Variants in COL27A1 observed in about 807,000 individuals in gnomAD.
COL27A1 encodes the protein collagen alpha-1(XXVII) chain.
In COL27A1, 106 loss-of-function variants were observed where a neutral mutation model predicts 251.3. That is an observed-to-expected ratio of 0.42 (90% CI 0.36 to 0.50). The LOEUF (loss-of-function observed/expected upper bound fraction) is 0.50. COL27A1 is among the 20% of genes least tolerant of loss of function. The probability of loss-of-function intolerance (pLI) is 0.00; values close to 1 mark genes in which losing one functional copy is unlikely to be tolerated. For missense variants in COL27A1, 2,325 were observed against 2,522.8 expected (o/e 0.92, Z 1.68); for synonymous variants, 1,000 against 986.3 (o/e 1.01, Z -0.26).
chr9:114,180,932 C>G (rs984000072), intron 4 of COL27A1, among the ~76,000 whole-genome samples: 1 of 152,194 alleles, frequency 6.6e-6, no homozygotes, highest in Non-Finnish European at 1.5e-5. Flanking sequence ...TGGGGCACGA[C>G]TGGGGAGAGG....
intron 3 of COL27A1, among the ~76,000 whole-genome samples, chr9:114,170,057 G>C (rs781641066): frequency 1.7e-4 from 26 of 152,244 alleles, no homozygotes; most frequent in Non-Finnish European, 1.5e-4. Context: ...GAAAGTGGGA[G>C]ATGCGATGGT....
intron 1 of COL27A1, among the ~76,000 whole-genome samples, chr9:114,161,989 A>C (rs1416157726): frequency 6.6e-6 from 1 of 152,332 alleles, no homozygotes; most frequent in African/African-American, 2.4e-5. Flanking sequence ...CCCATGTTGC[A>C]GAAGATAAGA....
chr9:114,243,707 GA>G, intron 23 of COL27A1, 147 bp downstream of exon 23: 1 of 629,744 alleles, frequency 1.6e-6, no homozygotes, highest in Non-Finnish European at 2.8e-6. Flanking sequence ...TGGTAAGGGA[GA>G]AAAAAATGGA....
intron 49 of COL27A1, among the ~76,000 whole-genome samples, chr9:114,299,801 G>C (rs1015216178): frequency 1.3e-5 from 2 of 152,226 alleles, no homozygotes; most frequent in African/African-American, 4.8e-5. Flanking sequence ...TGGGACAGGA[G>C]CTCCTGAGTG....
At chr9:114,202,498 T>C (rs1274620528) in intron 7 of COL27A1, among the ~76,000 whole-genome samples, 1 of 152,214 alleles carries the variant, frequency 6.6e-6, no homozygotes, top group Non-Finnish European at 1.5e-5. Context: ...CTTCCTAATC[T>C]GCAAGCTCCA....
chr9:114,265,709 G>C (rs1316833267), intron 32 of COL27A1, among the ~76,000 whole-genome samples: 3 of 152,228 alleles, frequency 2.0e-5, no homozygotes, highest in African/African-American at 2.4e-5. Flanking sequence ...GATTGTCTCT[G>C]CCTTGCCATT....
chr9:114,209,578 C>G, intron 10 of COL27A1, 97 bp from the exon 11 acceptor site: 1 of 1,111,878 alleles, frequency 9.0e-7, no homozygotes, highest in Non-Finnish European at 1.4e-6. Flanking sequence ...GAGGAGGAGC[C>G]GGGATGTGGG....
At chr9:114,269,082 G>A in intron 34 of COL27A1, 159 bp from the exon 35 acceptor site, 2 of 564,224 alleles carry the variant, frequency 3.5e-6, no homozygotes, top group Non-Finnish European at 6.4e-6. Flanking sequence ...AGGAGCTCTG[G>A]TTGGTGTTTT....
intron 14 of COL27A1, among the ~76,000 whole-genome samples, chr9:114,225,399 G>C (rs895509021): frequency 2.0e-5 from 3 of 152,170 alleles, no homozygotes; most frequent in Non-Finnish European, 4.4e-5. Flanking sequence ...GCCACTTTCA[G>C]CCTCCTTCCT....
At chr9:114,201,470 A>G (rs962154987) in intron 7 of COL27A1, among the ~76,000 whole-genome samples, 8 of 152,188 alleles carry the variant, frequency 5.3e-5, no homozygotes, top group African/African-American at 1.7e-4. Flanking sequence ...CGCCTTGGCT[A>G]TGCTCGCTCT....
chr9:114,252,526 C>T (rs1588773365), intron 25 of COL27A1, 67 bp from the exon 26 acceptor site: 2 of 1,412,296 alleles, frequency 1.4e-6, no homozygotes, highest in Non-Finnish European at 2.0e-6. Context: ...GCCCTCTGCA[C>T]CTGCCTCCCA....
chr9:114,231,748 C>A, intron 15 of COL27A1, 74 bp from the exon 16 acceptor site: 3 of 1,472,988 alleles, frequency 2.0e-6, no homozygotes, highest in South Asian at 1.1e-5. Flanking sequence ...TGCAGCAAGT[C>A]GTGTTTAAGC....
In COL27A1 at chr9:114,240,203, T is replaced by C. The variant is rs947932756; in HGVS notation, c.2728-17T>C. On this transcript the variant is annotated splice_polypyrimidine_tract_variant and intron_variant, in intron 19 of 60. Transcript: ENST00000356083. ...TCACAGCCCCCGTGGGTGACCCTGC[T>C]CTCTGCTTCCCCTCAGGGATTCCCA... 6.2e-7 allele frequency: 1 copy of C among 1,612,292 alleles called. No homozygotes were observed. The highest frequency in any genetic ancestry group is 1.3e-5 in the African/African-American group (1 of 74,894).
rs1257350827 is a variant in COL27A1, at chr9:114,240,617, C to T, written c.2835+130C>T. ...AGCCAGGACACCACCCAGGGCTTCC[C>T]CAGACTTACCCACCAGCTCATCCTA... is the stretch of plus-strand genomic sequence containing the variant. On this transcript the variant is annotated intron_variant, in intron 21 of 60. Transcript: ENST00000356083. The T allele has an allele frequency of 1.2e-5, 9 of 773,574 alleles. No individual in the cohort carries two copies. In the Admixed American group the frequency reaches 1.6e-4, roughly 14 times the overall value. 47.9% of individuals were successfully genotyped at this position (773,574 alleles called of 1,614,324 possible).
chr9:114,254,470 C>T (rs1833790567), intron 27 of COL27A1, among the ~76,000 whole-genome samples: 2 of 151,956 alleles, frequency 1.3e-5, no homozygotes, highest in Non-Finnish European at 2.9e-5. Context: ...AAAGGGCACT[C>T]GCTTCAGCCA....
At chr9:114,163,202 C>G (rs1182834639) in intron 2 of COL27A1, among the ~76,000 whole-genome samples, 1 of 151,402 alleles carries the variant, frequency 6.6e-6, no homozygotes, top group Non-Finnish European at 1.5e-5. Flanking sequence ...CCACTGCACT[C>G]CAGCCTGGCA....
chr9:114,240,738 T>C (rs1245407451), intron 21 of COL27A1, among the ~76,000 whole-genome samples: 1 of 152,250 alleles, frequency 6.6e-6, no homozygotes, highest in African/African-American at 2.4e-5. Flanking sequence ...TGCACCCTCG[T>C]CACCCTGGGG....
At chr9:114,174,498 C>T (rs1439779332) in intron 3 of COL27A1, among the ~76,000 whole-genome samples, 2 of 152,142 alleles carry the variant, frequency 1.3e-5, no homozygotes, top group Non-Finnish European at 2.9e-5. Context: ...GAGAAATATA[C>T]CCTGTCCTCC....
Position 114,310,813 on chromosome 9 carries a change from G to A in COL27A1, c.*118G>A. The A allele has an allele frequency of 1.9e-6, 2 of 1,053,152 alleles. No homozygotes were observed. The highest frequency in any genetic ancestry group is 2.3e-5 in the Admixed American group (1 of 42,678). The allele number at this position is 1,053,152 out of a possible 1,614,324, so 65.2% of individuals were successfully genotyped here. On this transcript the variant is annotated 3_prime_UTR_variant, in exon 61 of 61. Coordinates refer to ENST00000356083, the MANE Select transcript of COL27A1 (RefSeq NM_032888.4). ...CAGCTCCCCTGCCCAAGGGTCCTTG[G>A]GCAGACCCCAGCTGTTGTCTGCCCA...
Sources: gnomAD v4.1 joint callset for allele counts (sites outside exome capture counted in the v4.1 genomes callset) on GRCh38, gnomAD v4.1.1 for gene constraint, MANE v1.5 for transcripts, NCBI Gene and HGNC (gene_info 2026-07-23, HGNC 2026-07-21) for gene names.